Variants in LYPD1 observed in about 807,000 individuals in gnomAD.
LYPD1 encodes the protein ly6/PLAUR domain-containing protein 1.
In LYPD1, 14 loss-of-function variants were observed where a neutral mutation model predicts 14.2. The ratio of observed to expected loss-of-function variants is 0.99; its 90% CI spans 0.65 to 1.54. The LOEUF is 1.54. LYPD1 is among the 40% of genes most tolerant of loss of function. The pLI is 0.00. For missense variants in LYPD1, 165 were observed against 175.7 expected, an observed-to-expected ratio of 0.94 and a Z score of 0.34; for synonymous variants, 85 against 70.6, an observed-to-expected ratio of 1.20 and a Z score of -1.02.
At chr2:132,665,877 AG>A (rs1446960134) in intron 2 of LYPD1, among the ~76,000 whole-genome samples, 5 of 152,224 alleles carry the variant, frequency 3.3e-5, no homozygotes, top group Admixed American at 2.0e-4. Context: ...ATCTTTAACT[AG>A]GAGTCACTGG....
chr2:132,651,902 CA>C (rs1682375491), intron 2 of LYPD1, among the ~76,000 whole-genome samples: 1 of 152,158 alleles, frequency 6.6e-6, no homozygotes, highest in Admixed American at 6.6e-5. Flanking sequence ...GACGGGTCCA[CA>C]ACACGATGAG....
chr2:132,647,556 C>T (rs1387405332), intron 2 of LYPD1, among the ~76,000 whole-genome samples: 1 of 152,220 alleles, frequency 6.6e-6, no homozygotes, highest in Non-Finnish European at 1.5e-5. Context: ...TGGTCTCGAT[C>T]TCCTGACCTT....
rs528297797 is a variant in LYPD1, at chr2:132,667,413, GT to G, written c.190+986del. On this transcript the variant is annotated intron_variant, in intron 2 of 2. Transcript: ENST00000397463. ...TGAGAAGAAACGACTTTCCCAAGGT[GT>G]TGGCTTTGAAACTAGAGTCCTTGCA... Among the ~76,000 whole-genome samples, 453 of 152,318 alleles carry G rather than the reference GT, an allele frequency of 3.0e-3. 1 individual carries two copies. The highest frequency in any genetic ancestry group is 0.01 in the African/African-American group (434 of 41,560).
chr2:132,668,926 ATTAC>A (rs938609913), intron 1 of LYPD1, among the ~76,000 whole-genome samples: 9 of 152,234 alleles, frequency 5.9e-5, no homozygotes, highest in African/African-American at 1.7e-4. Context: ...TTGGTTACAA[ATTAC>A]TTAATTACTA....
At chr2:132,652,115 G>A (rs539299488) in intron 2 of LYPD1, among the ~76,000 whole-genome samples, 3 of 152,284 alleles carry the variant, frequency 2.0e-5, no homozygotes, top group African/African-American at 4.8e-5. Context: ...GGGGGACATC[G>A]TTTGGAGACT....
chr2:132,650,724 AAAAC>A (rs1333771915), intron 2 of LYPD1, among the ~76,000 whole-genome samples: 2 of 103,144 alleles, frequency 1.9e-5, no homozygotes, highest in African/African-American at 8.5e-5. Flanking sequence ...TTAAAAAAAA[AAAAC>A]AAAAAACAAA....
intron 2 of LYPD1, among the ~76,000 whole-genome samples, chr2:132,655,955 C>T (rs1454648145): frequency 6.6e-6 from 1 of 152,146 alleles, no homozygotes; most frequent in African/African-American, 2.4e-5. Context: ...ATCTGTCACC[C>T]CCCTCCACTC....
chr2:132,657,620 CATG>C (rs1310518184), intron 2 of LYPD1, among the ~76,000 whole-genome samples: 1 of 152,192 alleles, frequency 6.6e-6, no homozygotes, highest in Admixed American at 6.5e-5. Context: ...TCACCATGAA[CATG>C]ATGTCCTCAC....
rs773152915 is a variant in LYPD1, at chr2:132,670,070, C to T, written c.-138G>A. On this transcript the variant is annotated 5_prime_UTR_variant, in exon 1 of 3. Coordinates refer to ENST00000397463, the MANE Select transcript of LYPD1 (RefSeq NM_144586.7). This position sits in a 1 kb window ranked among gnomAD's most constrained non-coding sequence, Gnocchi z 4.5. ...GCTGCCGCGGAGACGACGGTCGTAG[C>T]TTAGAGGAGCCGCAGGTGCCGCTCG... 221 of 1,502,494 alleles carry T rather than the reference C, an allele frequency of 1.5e-4. No homozygotes were observed. The highest frequency in any genetic ancestry group is 1.8e-4 in the Non-Finnish European group (208 of 1,134,204). 93.1% of individuals were successfully genotyped at this position (1,502,494 alleles called of 1,614,324 possible).
intron 2 of LYPD1, among the ~76,000 whole-genome samples, chr2:132,660,852 G>A (rs948796887): frequency 1.3e-5 from 2 of 152,184 alleles, no homozygotes; most frequent in African/African-American, 2.4e-5. Context: ...CAAAAGCTAG[G>A]CTTGTGCATG....
At chr2:132,658,547 A>C (rs1682735343) in intron 2 of LYPD1, among the ~76,000 whole-genome samples, 1 of 152,210 alleles carries the variant, frequency 6.6e-6, no homozygotes, top group East Asian at 1.9e-4. Context: ...CATGACAGTG[A>C]TATTAATGAT....
At chr2:132,660,645 T>C (rs1241465644) in intron 2 of LYPD1, 1 of 152,228 alleles carries the variant, frequency 6.6e-6, no homozygotes, top group Admixed American at 6.5e-5. Context: ...AGGAAACACA[T>C]TGTCTTCTAC....
chr2:132,656,949 C>T (rs1287486262), intron 2 of LYPD1, among the ~76,000 whole-genome samples: 1 of 152,132 alleles, frequency 6.6e-6, no homozygotes, highest in South Asian at 2.1e-4. Context: ...CTGCAATGAT[C>T]CCTAAGGGTA....
intron 2 of LYPD1, among the ~76,000 whole-genome samples, chr2:132,647,204 T>C (rs1682145337): frequency 6.6e-6 from 1 of 152,186 alleles, no homozygotes; most frequent in Non-Finnish European, 1.5e-5. Context: ...CCCTCATGAT[T>C]ACCCCCATTT....
At chr2:132,648,570 G>T (rs1167908301) in intron 2 of LYPD1, among the ~76,000 whole-genome samples, 5 of 152,248 alleles carry the variant, frequency 3.3e-5, no homozygotes, top group Non-Finnish European at 7.3e-5. Context: ...ACTTTGCAGG[G>T]TTAAGGATCA....
intron 2 of LYPD1, among the ~76,000 whole-genome samples, chr2:132,664,018 A>G (rs1013799908): frequency 5.3e-5 from 8 of 152,162 alleles, no homozygotes; most frequent in Non-Finnish European, 1.0e-4. Flanking sequence ...AAAATGGAAA[A>G]GTATATCCAC....
intron 2 of LYPD1, among the ~76,000 whole-genome samples, chr2:132,665,089 C>T (rs1226327214): frequency 6.6e-6 from 1 of 152,182 alleles, no homozygotes. Flanking sequence ...CCAAAGGGAA[C>T]AAGAGTGGTG....
In LYPD1 at chr2:132,668,423, T is replaced by G; in HGVS notation, c.167A>C (p.Lys56Thr). ...ACCGGCACTTTGCTCCATCACTTCT[T>G]TCTGACACATGTCTTGAACGTTCAC... Reference protein sequence around the residue: ...CTVNVQDMCQKEVMEQSAGIM... With the variant: ...CTVNVQDMCQTEVMEQSAGIM... Residue 56 changes from lysine to threonine, a missense_variant, in exon 2 of 3, where the codon AAA (lysine) becomes ACA (threonine). By Grantham distance (78) the Lys-to-Thr change is moderately conservative. Transcript: ENST00000397463. 6.2e-7 allele frequency: 1 copy of G among 1,607,592 alleles called. No homozygotes were observed. Among genetic ancestry groups the G allele is most frequent in the Non-Finnish European group, 8.5e-7 (1 of 1,177,106 alleles).
Position 132,669,946 on chromosome 2 carries a change from C to A in LYPD1, c.-14G>T. ...TAGGACCCACATTCTCCCGGAGTCCCGGGGCCGGGAGAGGGCAAGCGCATC... is the reference window on the plus strand; with the variant it reads ...TAGGACCCACATTCTCCCGGAGTCCAGGGGCCGGGAGAGGGCAAGCGCATC... On this transcript the variant is annotated 5_prime_UTR_variant, in exon 1 of 3. Coordinates refer to ENST00000397463, the MANE Select transcript of LYPD1 (RefSeq NM_144586.7). This position sits in a 1 kb window ranked among gnomAD's most constrained non-coding sequence, Gnocchi z 4.3. 1 of 1,611,672 alleles carries A rather than the reference C, an allele frequency of 6.2e-7. No homozygotes were observed. The highest frequency in any genetic ancestry group is 8.5e-7 in the Non-Finnish European group (1 of 1,179,180).
Sources: gnomAD v4.1 joint callset for allele counts (sites outside exome capture counted in the v4.1 genomes callset) on GRCh38, gnomAD v4.1.1 for gene constraint, Gnocchi (gnomAD v3.1) non-coding constraint, MANE v1.5 for transcripts, NCBI Gene and HGNC (gene_info 2026-07-23, HGNC 2026-07-21) for gene names.